Variants in EYS observed in about 807,000 individuals in gnomAD.
EYS encodes the protein protein eyes shut homolog.
Under a neutral mutation model 282.1 loss-of-function variants are expected in EYS, and 250 were observed. The observed-to-expected ratio is 0.89, with a 90% CI of 0.80 to 0.98. EYS has a LOEUF of 0.98. Among genes scored for constraint, EYS ranks in the 50% least tolerant of loss-of-function variants. The pLI is 0.00. For synonymous variants in EYS, 1,355 were observed against 1,282.9 expected (o/e 1.06, Z -1.20); for missense variants, 4,016 against 3,709.0 (o/e 1.08, Z -2.15).
intron 26 of EYS, among the ~76,000 whole-genome samples, chr6:64,543,731 C>A (rs1023234634): frequency 2.6e-5 from 4 of 152,210 alleles, no homozygotes; most frequent in Non-Finnish European, 4.4e-5. Flanking sequence ...AGTTATTGAA[C>A]TTTGAGGTCC....
intron 35 of EYS, among the ~76,000 whole-genome samples, chr6:63,981,239 G>T (rs1289698529): frequency 1.3e-5 from 2 of 151,714 alleles, no homozygotes; most frequent in Non-Finnish European, 2.9e-5. Context: ...TAGCTGTAGG[G>T]TTGGGTATTG....
intron 26 of EYS, among the ~76,000 whole-genome samples, chr6:64,492,306 T>C (rs1315990413): frequency 2.6e-5 from 4 of 151,250 alleles, no homozygotes; most frequent in African/African-American, 9.7e-5. Flanking sequence ...TGAGTATTAT[T>C]CAATACTTAA....
intron 2 of EYS, among the ~76,000 whole-genome samples, chr6:65,523,834 T>A (rs1767461114): frequency 6.6e-6 from 1 of 152,126 alleles, no homozygotes; most frequent in Non-Finnish European, 1.5e-5. Context: ...AAGGATATAT[T>A]CCAGACATAC....
intron 35 of EYS, among the ~76,000 whole-genome samples, chr6:63,950,518 G>A (rs1342527949): frequency 6.6e-6 from 1 of 151,934 alleles, no homozygotes; most frequent in East Asian, 1.9e-4. Flanking sequence ...CAGCCCACCT[G>A]CACCCAGGTG....
At position 64,805,554 on chromosome 6, in the gene EYS, A is replaced by G. The variant is rs182722061; in HGVS notation, c.3443+7824T>C. ...CACTACTCAAAATATATTTTTATTT[A>G]TTTATCTATGGAATGACACAGAAAA... On this transcript the variant is annotated intron_variant, in intron 22 of 42. Transcript: ENST00000503581. Among the ~76,000 whole-genome samples the G allele has an allele frequency of 5.7e-3, 859 of 151,910 alleles. 12 individuals are homozygous for G. The highest frequency in any genetic ancestry group is 0.02 in the African/African-American group (834 of 41,544).
At chr6:64,683,177 T>C (rs1156807416) in intron 22 of EYS, among the ~76,000 whole-genome samples, 1 of 152,134 alleles carries the variant, frequency 6.6e-6, no homozygotes, top group Non-Finnish European at 1.5e-5. Flanking sequence ...ATAAAAAGAA[T>C]CCAAAGGCTC....
At chr6:65,069,971 G>T (rs1311153974) in intron 12 of EYS, among the ~76,000 whole-genome samples, 1 of 151,832 alleles carries the variant, frequency 6.6e-6, no homozygotes, top group Non-Finnish European at 1.5e-5. Flanking sequence ...TCAGAAAACT[G>T]ATGTTTCTTT....
intron 36 of EYS, among the ~76,000 whole-genome samples, chr6:63,845,873 C>G (rs1324902631): frequency 2.0e-5 from 3 of 152,122 alleles, no homozygotes; most frequent in African/African-American, 7.2e-5. Flanking sequence ...TGTATAATTC[C>G]CTAGCTATCA....
intron 31 of EYS, among the ~76,000 whole-genome samples, chr6:64,161,888 G>T (rs910256142): frequency 5.9e-5 from 9 of 152,086 alleles, no homozygotes; most frequent in African/African-American, 2.2e-4. Flanking sequence ...GGAAGAGTTT[G>T]CAGTTTGTTT....
chr6:64,140,761 T>G (rs1404770627), intron 31 of EYS, among the ~76,000 whole-genome samples: 1 of 152,304 alleles, frequency 6.6e-6, no homozygotes, highest in Non-Finnish European at 1.5e-5. Context: ...GCACTGGGAA[T>G]GATAAAAAGC....
At chr6:64,387,928 T>C (rs1042381565) in intron 29 of EYS, among the ~76,000 whole-genome samples, 1 of 152,142 alleles carries the variant, frequency 6.6e-6, no homozygotes, top group African/African-American at 2.4e-5. Context: ...GATGTATGTA[T>C]ACCAATTTGC....
At chr6:64,714,385 TAGC>T (rs1482089644) in intron 22 of EYS, among the ~76,000 whole-genome samples, 1 of 152,212 alleles carries the variant, frequency 6.6e-6, no homozygotes, top group Non-Finnish European at 1.5e-5. Flanking sequence ...GTCATGGCTT[TAGC>T]AGAAGGCAAT....
chr6:64,186,053 A>G (rs977873754), intron 31 of EYS, among the ~76,000 whole-genome samples: 1 of 152,126 alleles, frequency 6.6e-6, no homozygotes, highest in African/African-American at 2.4e-5. Flanking sequence ...AAGGTTACTT[A>G]AGTGAGTAAA....
At chr6:64,015,407 A>G (rs1768845551) in intron 33 of EYS, among the ~76,000 whole-genome samples, 1 of 152,178 alleles carries the variant, frequency 6.6e-6, no homozygotes. Context: ...AAATTTAATA[A>G]ACTCTAAAAA....
At chr6:64,853,360 A>G (rs1765946363) in intron 19 of EYS, among the ~76,000 whole-genome samples, 1 of 152,130 alleles carries the variant, frequency 6.6e-6, no homozygotes, top group Non-Finnish European at 1.5e-5. Flanking sequence ...GAAGGTGGAA[A>G]GTCTATGTGC....
chr6:64,594,250 G>A (rs1258336327), intron 24 of EYS, among the ~76,000 whole-genome samples: 1 of 152,054 alleles, frequency 6.6e-6, no homozygotes, highest in Non-Finnish European at 1.5e-5. Context: ...AAAAGCCCAG[G>A]ACCAGGTGGC....
chr6:63,808,075 G>A (rs781012554), intron 36 of EYS, among the ~76,000 whole-genome samples: 1 of 152,006 alleles, frequency 6.6e-6, no homozygotes, highest in Admixed American at 6.6e-5. Flanking sequence ...TCATATATAT[G>A]GTATTTTACT....
intron 22 of EYS, among the ~76,000 whole-genome samples, chr6:64,752,391 A>G (rs948943528): frequency 2.0e-5 from 3 of 152,092 alleles, no homozygotes; most frequent in African/African-American, 7.2e-5. Context: ...AACAGACTAG[A>G]CCAAGCAGAA....
intron 29 of EYS, among the ~76,000 whole-genome samples, chr6:64,366,476 CA>C (rs1274509360): frequency 6.6e-6 from 1 of 152,022 alleles, no homozygotes; most frequent in Admixed American, 6.6e-5. Flanking sequence ...TGCTTTAACC[CA>C]CTAACATTTA....
Sources: gnomAD v4.1 joint callset for allele counts (sites outside exome capture counted in the v4.1 genomes callset) on GRCh38, gnomAD v4.1.1 for gene constraint, MANE v1.5 for transcripts, NCBI Gene and HGNC (gene_info 2026-07-23, HGNC 2026-07-21) for gene names.